Variants in NIN observed in about 807,000 individuals in gnomAD.
NIN encodes ninein, also known as glycogen synthase kinase 3 beta-interacting protein.
In NIN, 137 loss-of-function variants were observed where a neutral mutation model predicts 257.6. The ratio of observed to expected loss-of-function variants is 0.53; its 90% confidence interval spans 0.46 to 0.61. The LOEUF (loss-of-function observed/expected upper bound fraction) is 0.61, where lower values mean the gene tolerates loss of function less well. Ranked by LOEUF, NIN falls within the 20% of genes least tolerant of loss-of-function variation. The pLI is 0.00. For missense variants in NIN, 2,439 were observed against 2,501.2 expected (o/e 0.98, Z 0.53); for synonymous variants, 918 against 919.8 (o/e 1.00, Z 0.04).
At position 50,770,385 on chromosome 14, in the gene NIN, T is replaced by C; in HGVS notation, c.1434+3A>G. The C allele has an allele frequency of 6.2e-7, 1 of 1,613,718 alleles. No homozygotes were observed. Among genetic ancestry groups the C allele is most frequent in the East Asian group, 2.2e-5 (1 of 44,872 alleles). On this transcript the variant is annotated splice_donor_region_variant and intron_variant, in intron 12 of 30. Transcript: ENST00000530997. ...CAGACCACAGAACTAATAAGATGATTACCTTTAAAGAGAGGGCAAGGCGGT... is the reference window on the plus strand; with the variant it reads ...CAGACCACAGAACTAATAAGATGATCACCTTTAAAGAGAGGGCAAGGCGGT...
intron 3 of NIN, among the ~76,000 whole-genome samples, chr14:50,819,564 G>A (rs2045100546): frequency 1.3e-5 from 2 of 152,138 alleles, no homozygotes; most frequent in South Asian, 4.1e-4. Flanking sequence ...GGCCTCCCCA[G>A]CCACAAGGAA....
At position 50,760,271 on chromosome 14, in the gene NIN, G is replaced by A. The variant is rs769277029; in HGVS notation, c.1985C>T (p.Thr662Met). Reference protein sequence around the residue: ...ENMKQRHENETHTLEKQISDL... With the variant: ...ENMKQRHENEMHTLEKQISDL... ...ACTTATTTGTTTTTCTAAGGTGTGC[G>A]TTTCGTTCTCATGCCTTTGCTTCAT... The change falls in exon 17 of 31, where the codon ACG (threonine) becomes ATG (methionine). Residue 662 changes from threonine to methionine, a missense_variant. Physicochemically the swap from Thr to Met is moderately conservative, Grantham distance 81. This residue lies in a region of NIN where 2,043 missense variants were observed against 2,050.2 expected (regional missense o/e 1.00). Coordinates refer to ENST00000530997, the MANE Select transcript of NIN (RefSeq NM_020921.4). 33 of 1,610,574 alleles carry A rather than the reference G, an allele frequency of 2.0e-5. No individual in the cohort carries two copies. Among genetic ancestry groups the A allele is most frequent in the Non-Finnish European group, 2.4e-5 (28 of 1,179,936 alleles).
chr14:50,791,160 G>C (rs962262011), intron 5 of NIN, among the ~76,000 whole-genome samples: 4 of 152,006 alleles, frequency 2.6e-5, no homozygotes, highest in African/African-American at 9.7e-5. Flanking sequence ...CACCACTCAG[G>C]GTTATAGAAC....
rs1458341001 is a variant in NIN at position 50,719,857 on chromosome 14, TA to T, written c.*3605del. 2.0e-5 allele frequency: 4 copies of T among 202,774 alleles called. No individual in the cohort carries two copies. Among genetic ancestry groups the T allele is most frequent in the Non-Finnish European group, 4.1e-5 (4 of 98,492 alleles). The allele number at this position is 202,774 out of a possible 1,614,324, so 12.6% of individuals were successfully genotyped here. ...ATTTATTTACATCTTAAGCTCACAT[TA>T]AAATCTTTCTAGGATAGAATGGCTA... On this transcript the variant is annotated 3_prime_UTR_variant, in exon 31 of 31. Coordinates refer to ENST00000530997, the MANE Select transcript of NIN (RefSeq NM_020921.4).
At chr14:50,801,904 A>G (rs2044120237) in intron 4 of NIN, among the ~76,000 whole-genome samples, 1 of 152,226 alleles carries the variant, frequency 6.6e-6, no homozygotes, top group Non-Finnish European at 1.5e-5. Flanking sequence ...AATCACATCA[A>G]GGAAGAAAGA....
chr14:50,794,702 T>C (rs1439391771), intron 4 of NIN, among the ~76,000 whole-genome samples: 2 of 151,078 alleles, frequency 1.3e-5, no homozygotes, highest in Non-Finnish European at 2.9e-5. Flanking sequence ...AACAAAGTTG[T>C]GTCCTGGGGA....
At chr14:50,784,156 T>G (rs2043247649) in intron 5 of NIN, among the ~76,000 whole-genome samples, 1 of 152,212 alleles carries the variant, frequency 6.6e-6, no homozygotes, top group African/African-American at 2.4e-5. Flanking sequence ...GAACACTGTC[T>G]GGGTTGTTTG....
intron 3 of NIN, among the ~76,000 whole-genome samples, chr14:50,818,672 T>C (rs113105564): frequency 1.6e-4 from 25 of 152,312 alleles, no homozygotes; most frequent in African/African-American, 5.5e-4. Context: ...TGGTAAACAC[T>C]TATCGGCAAT....
intron 2 of NIN, among the ~76,000 whole-genome samples, chr14:50,827,705 C>T (rs147572373): frequency 1.4e-3 from 196 of 139,390 alleles, no homozygotes; most frequent in African/African-American, 4.7e-3. Flanking sequence ...TGCAGTGTGC[C>T]GAGATCATGC....
At chr14:50,767,606 A>G (rs1460271625) in intron 12 of NIN, among the ~76,000 whole-genome samples, 2 of 152,172 alleles carry the variant, frequency 1.3e-5, no homozygotes, top group Non-Finnish European at 2.9e-5. Context: ...TCATGAGGTC[A>G]GGAGATCGAG....
intron 14 of NIN, among the ~76,000 whole-genome samples, chr14:50,765,231 C>T (rs1301521444): frequency 1.3e-5 from 2 of 152,012 alleles, no homozygotes; most frequent in South Asian, 2.1e-4. Context: ...AGCTAGATTC[C>T]GTCTTAAAAA....
intron 5 of NIN, among the ~76,000 whole-genome samples, chr14:50,786,498 T>A (rs948029249): frequency 1.3e-5 from 2 of 152,242 alleles, no homozygotes; most frequent in Admixed American, 1.3e-4. Context: ...AGAGACATTT[T>A]ATAAGCTTTG....
At chr14:50,760,435 T>G in intron 16 of NIN, 76 bp from the exon 17 acceptor site, 1 of 942,546 alleles carries the variant, frequency 1.1e-6, no homozygotes, top group Non-Finnish European at 1.5e-6. Flanking sequence ...GAGCAGCAAT[T>G]GCTTTTTTTT....
intron 5 of NIN, among the ~76,000 whole-genome samples, chr14:50,780,038 C>T (rs2043071652): frequency 6.6e-6 from 1 of 152,200 alleles, no homozygotes; most frequent in African/African-American, 2.4e-5. Flanking sequence ...CATAAAAGTG[C>T]CCCGCTAAGA....
chr14:50,776,844 T>C lies in NIN; in HGVS notation c.666+105A>G, dbSNP rs58320025. 3,496 of 1,005,536 alleles carry C rather than the reference T, an allele frequency of 3.5e-3. 87 individuals are homozygous for C. The African/African-American group carries it at 0.05, about 14-fold the overall frequency. The allele number at this position is 1,005,536 out of a possible 1,614,324, so 62.3% of individuals were successfully genotyped here. On this transcript the variant is annotated intron_variant, in intron 7 of 30. Transcript: ENST00000530997. The stretch of plus-strand genomic sequence containing the variant: ...AATGACTTCTTAGGAAAAAAGAAAA[T>C]GGAGCCTAACAAGCTGCAGAGAGCC...
chr14:50,741,423 T>C (rs528076897), intron 25 of NIN, among the ~76,000 whole-genome samples, 159 bp downstream of exon 25: 2 of 152,326 alleles, frequency 1.3e-5, no homozygotes, highest in East Asian at 3.9e-4. Flanking sequence ...CTGGAAATGT[T>C]CTACATTTTT....
At chr14:50,762,176 A>T (rs941242467) in intron 15 of NIN, among the ~76,000 whole-genome samples, 1 of 152,172 alleles carries the variant, frequency 6.6e-6, no homozygotes, top group Non-Finnish European at 1.5e-5. Context: ...TTAGAATAGT[A>T]GGTGGTGGGG....
At chr14:50,731,820 G>A (rs780954313) in intron 28 of NIN, among the ~76,000 whole-genome samples, 5 of 152,096 alleles carry the variant, frequency 3.3e-5, no homozygotes, top group South Asian at 2.1e-4. Flanking sequence ...GCGAGACTCC[G>A]TTTAAAAATA....
At chr14:50,788,314 G>A (rs971814153) in intron 5 of NIN, among the ~76,000 whole-genome samples, 1 of 152,128 alleles carries the variant, frequency 6.6e-6, no homozygotes, top group African/African-American at 2.4e-5. Context: ...GCTCCAAGTC[G>A]CTTGTAAGTA....
Sources: gnomAD v4.1 joint callset for allele counts (sites outside exome capture counted in the v4.1 genomes callset) on GRCh38, gnomAD v4.1.1 for gene constraint, gnomAD v4.1.1 regional missense constraint, MANE v1.5 for transcripts, NCBI Gene and HGNC (gene_info 2026-07-23, HGNC 2026-07-21) for gene names.